MALRD1: variants seen among roughly 807,000 people sequenced by gnomAD.
MALRD1 encodes the protein MAM and LDL receptor class A domain containing 1, also known as MAM and LDL-receptor class A domain-containing protein 1.
Under a neutral mutation model 242.1 loss-of-function variants are expected in MALRD1, and 247 were observed. That is an observed-to-expected ratio of 1.02 (90% CI 0.92 to 1.13). The LOEUF (loss-of-function observed/expected upper bound fraction) is 1.13, where lower values mean the gene tolerates loss of function less well. MALRD1 is among the 50% of genes most tolerant of loss of function. The pLI, the probability that MALRD1 is intolerant of heterozygous loss-of-function variation, is 0.00. For synonymous variants in MALRD1, 995 were observed against 866.6 expected, an observed-to-expected ratio of 1.15 and a Z score of -2.60; for missense variants, 2,989 against 2,533.1, an observed-to-expected ratio of 1.18 and a Z score of -3.86.
chr10:19,303,261 T>C (rs781043263), intron 21 of MALRD1, among the ~76,000 whole-genome samples: 17 of 151,646 alleles, frequency 1.1e-4, no homozygotes, highest in African/African-American at 4.1e-4. Flanking sequence ...TCTGAGAAAA[T>C]AGACATTAGG....
At chr10:19,127,599 T>C (rs1047633309) in intron 7 of MALRD1, among the ~76,000 whole-genome samples, 5 of 152,188 alleles carry the variant, frequency 3.3e-5, no homozygotes, top group Non-Finnish European at 5.9e-5. Flanking sequence ...TCTTTATAAA[T>C]CTGTGTTGTC....
chr10:19,226,643 G>C (rs1837813583), intron 18 of MALRD1, among the ~76,000 whole-genome samples: 1 of 151,974 alleles, frequency 6.6e-6, no homozygotes, highest in Non-Finnish European at 1.5e-5. Context: ...AGAAGGGAGG[G>C]AAGGAGGAAT....
chr10:19,269,653 A>G (rs1000590406), intron 19 of MALRD1, among the ~76,000 whole-genome samples: 2 of 152,100 alleles, frequency 1.3e-5, no homozygotes, highest in East Asian at 1.9e-4. Context: ...CCCAGTTACA[A>G]CCACCACCAA....
At position 19,298,237 on chromosome 10, in the gene MALRD1, C is replaced by T. The variant is rs139594905; in HGVS notation, c.3419+15056C>T. On this transcript the variant is annotated intron_variant, in intron 21 of 39. Coordinates refer to ENST00000454679, the MANE Select transcript of MALRD1 (RefSeq NM_001142308.3). ...CTTGCTTCATAACGACCCACTAATC[C>T]CTTCCCCACAAGAATCAATCCAGTC... Among the ~76,000 whole-genome samples the T allele has an allele frequency of 3.7e-3, 567 of 151,896 alleles. 10 individuals are homozygous for T. Among genetic ancestry groups the T allele is most frequent in the East Asian group, 0.026 (135 of 5,132 alleles).
chr10:19,404,170 A>G (rs965547701), intron 28 of MALRD1, among the ~76,000 whole-genome samples: 3 of 152,046 alleles, frequency 2.0e-5, no homozygotes, highest in African/African-American at 7.2e-5. Flanking sequence ...ACAATTTACT[A>G]TGTTTCCTTA....
At chr10:19,724,668 G>C (rs1834932699) in intron 38 of MALRD1, among the ~76,000 whole-genome samples, 2 of 152,134 alleles carry the variant, frequency 1.3e-5, no homozygotes, top group South Asian at 4.1e-4. Flanking sequence ...TTACATTAAG[G>C]AAGTTTTATA....
chr10:19,256,470 A>G lies in MALRD1; in HGVS notation c.2992-1214A>G, dbSNP rs1295204558. 2.0e-5 allele frequency among the ~76,000 whole-genome samples: 3 copies of G among 152,024 alleles called. No individual in the cohort carries two copies. The East Asian group carries it at 5.8e-4, about 29-fold the overall frequency. On this transcript the variant is annotated intron_variant, in intron 18 of 39. Coordinates refer to ENST00000454679, the MANE Select transcript of MALRD1 (RefSeq NM_001142308.3). ...CCTTTCACTCATGATGGTGGTGGGA[A>G]AAAGGATGCATTTTTATGTTTGGAG...
At chr10:19,296,811 C>T (rs1841724351) in intron 21 of MALRD1, among the ~76,000 whole-genome samples, 1 of 151,482 alleles carries the variant, frequency 6.6e-6, no homozygotes, top group African/African-American at 2.4e-5. Context: ...TACTTGTTCT[C>T]TTTGAAAAGA....
At chr10:19,668,702 A>G (rs2131752258) in intron 36 of MALRD1, among the ~76,000 whole-genome samples, 1 of 152,312 alleles carries the variant, frequency 6.6e-6, no homozygotes, top group Admixed American at 6.5e-5. Context: ...GATTTAGGAA[A>G]TTATAATACA....
intron 36 of MALRD1, among the ~76,000 whole-genome samples, chr10:19,667,845 G>A (rs1841742993): frequency 6.6e-6 from 1 of 152,232 alleles, no homozygotes; most frequent in Admixed American, 6.5e-5. Context: ...CACCATAGAA[G>A]GGGTAACTTA....
rs897054166 is a variant in MALRD1, at chr10:19,266,604, T to C, written c.3079+8833T>C. Reference sequence around the variant, plus strand: ...CAGGATACAGAATACACACTAGTACTGTAATGATAATATGTAAATCACTTA... The same window carrying C: ...CAGGATACAGAATACACACTAGTACCGTAATGATAATATGTAAATCACTTA... On this transcript the variant is annotated intron_variant, in intron 19 of 39. Transcript: ENST00000454679. Among the ~76,000 whole-genome samples the C allele has an allele frequency of 6.6e-5, 10 of 152,044 alleles. No homozygotes were observed. The East Asian group carries it at 1.2e-3, about 18-fold the overall frequency.
intron 21 of MALRD1, among the ~76,000 whole-genome samples, chr10:19,286,442 T>C (rs1299104012): frequency 3.3e-5 from 5 of 152,096 alleles, no homozygotes; most frequent in Non-Finnish European, 4.4e-5. Context: ...ATACCTAATT[T>C]ATTGAGAGGT....
rs1427193403 is a variant in MALRD1, at chr10:19,734,312, C to T, written c.*75C>T. The T allele has an allele frequency of 5.1e-6, 6 of 1,168,416 alleles. No individual in the cohort carries two copies. The East Asian group carries it at 1.3e-4, about 25-fold the overall frequency. The allele number at this position is 1,168,416 out of a possible 1,614,324, so 72.4% of individuals were successfully genotyped here. ...AAGTCTCCACAATCTGATAGAAACT[C>T]ATCTTCTACAATGGTAAAAAGAGAA... On this transcript the variant is annotated 3_prime_UTR_variant, in exon 40 of 40. Transcript: ENST00000454679.
intron 4 of MALRD1, among the ~76,000 whole-genome samples, chr10:19,101,737 A>T (rs1235064800): frequency 7.3e-6 from 1 of 136,278 alleles, no homozygotes; most frequent in African/African-American, 2.6e-5. Flanking sequence ...TATACATTAT[A>T]TCACATATAT....
Position 19,390,692 on chromosome 10 carries a change from GC to G in MALRD1, c.4845+1084del, listed in dbSNP as rs1322325340. Among the ~76,000 whole-genome samples, 6 of 152,026 alleles carry G rather than the reference GC, an allele frequency of 3.9e-5. No individual in the cohort carries two copies. In the East Asian group the frequency reaches 9.7e-4, roughly 25 times the overall value. On this transcript the variant is annotated intron_variant, in intron 28 of 39. Transcript: ENST00000454679. ...TGCTTTTTTTTTTAATGACACATGAGCTTTGGTTAAGTGCCCTGGCACTGAT... is the reference window on the plus strand; with the variant it reads ...TGCTTTTTTTTTTAATGACACATGAGTTTGGTTAAGTGCCCTGGCACTGAT...
rs548211458 is a variant in MALRD1 at position 19,375,986 on chromosome 10, G to A, written c.4442-11542G>A. ...AAAATACAAAAATTTGCTGGGCGTG[G>A]TGATGCACACCTGTAGTCCCAGCTA... On this transcript the variant is annotated intron_variant, in intron 26 of 39. Transcript: ENST00000454679. Among the ~76,000 whole-genome samples, 38 of 152,284 alleles carry A rather than the reference G, an allele frequency of 2.5e-4. No homozygotes were observed. In the East Asian group the frequency reaches 7.0e-3, roughly 28 times the overall value.
intron 2 of MALRD1, 35 bp from the exon 3 acceptor site, chr10:19,087,805 G>A (rs1021284005): frequency 6.5e-6 from 7 of 1,070,912 alleles, no homozygotes; most frequent in Admixed American, 4.3e-5. Context: ...ATTCTTTCTG[G>A]TTTTTTTTTG....
At chr10:19,648,292 T>C (rs1840731876) in intron 36 of MALRD1, among the ~76,000 whole-genome samples, 1 of 152,120 alleles carries the variant, frequency 6.6e-6, no homozygotes, top group Non-Finnish European at 1.5e-5. Context: ...ACACATAAAA[T>C]CTGTGACAAG....
intron 29 of MALRD1, among the ~76,000 whole-genome samples, chr10:19,462,842 T>C (rs1836014136): frequency 6.6e-6 from 1 of 152,138 alleles, no homozygotes. Flanking sequence ...GGAATGATAA[T>C]TCAAGAGTTT....
Sources: allele counts gnomAD v4.1 joint callset (sites outside exome capture counted in the v4.1 genomes callset), GRCh38; gene constraint gnomAD v4.1.1; transcripts MANE v1.5; gene names NCBI Gene and HGNC (gene_info 2026-07-23, HGNC 2026-07-21).